Variants in SORL1 observed in about 807,000 individuals in gnomAD.
The protein encoded by SORL1 is sortilin related receptor 1.
SORL1 carries 127 observed loss-of-function variants against 273.7 expected under a neutral mutation model. That is an observed-to-expected ratio of 0.46 (90% confidence interval 0.40 to 0.54). The LOEUF (loss-of-function observed/expected upper bound fraction) is 0.54. Ranked by LOEUF, SORL1 falls within the 20% of genes least tolerant of loss-of-function variation. SORL1 has a pLI of 0.00. For synonymous variants in SORL1, 1,031 were observed against 1,067.4 expected (o/e 0.97, Z 0.66); for missense variants, 2,494 against 2,846.1 (o/e 0.88, Z 2.81).
At chr11:121,570,947 A>G (rs912703242) in intron 23 of SORL1, among the ~76,000 whole-genome samples, 1 of 152,244 alleles carries the variant, frequency 6.6e-6, no homozygotes, top group African/African-American at 2.4e-5. Flanking sequence ...AATTTTTAAT[A>G]GCTTCGACAT....
rs778252688 is a variant in SORL1, at chr11:121,545,293, C to G, written c.1915C>G (p.Arg639Gly). The G allele has an allele frequency of 3.7e-6, 6 of 1,613,872 alleles. No homozygotes were observed. In the Admixed American group the frequency reaches 6.7e-5, roughly 18 times the overall value. ...DYKLWSPSDERGNECLLGHKT... is the reference protein window; with the variant it reads ...DYKLWSPSDEGGNECLLGHKT... The stretch of plus-strand genomic sequence containing the variant: ...CAAGCTGTGGTCACCATCTGATGAG[C>G]GGGGGAATGAGTGTTTGCTGGGACA... Residue 639 changes from arginine (R) to glycine (G), a missense_variant, in exon 14 of 48, where the codon CGG (arginine) becomes GGG (glycine). This residue lies in a region of SORL1 where 710 missense variants were observed against 882.5 expected (regional missense o/e 0.80). Transcript: ENST00000260197.
chr11:121,622,811 A>G lies in SORL1; in HGVS notation c.6171+543A>G, dbSNP rs141049985. On this transcript the variant is annotated intron_variant, in intron 45 of 47. Coordinates refer to ENST00000260197, the MANE Select transcript of SORL1 (RefSeq NM_003105.6). Reference sequence around the variant, plus strand: ...CAATATGGTATTCACAGCAAAAGACAGGGGAAGAGGAGTGAGACCTGGGAG... The same window carrying G: ...CAATATGGTATTCACAGCAAAAGACGGGGGAAGAGGAGTGAGACCTGGGAG... 1.0e-3 allele frequency among the ~76,000 whole-genome samples: 158 copies of G among 152,390 alleles called. 1 individual carries two copies. The highest frequency in any genetic ancestry group is 3.6e-3 in the African/African-American group (151 of 41,592).
At position 121,627,376 on chromosome 11, in the gene SORL1, G is replaced by T; in HGVS notation, c.6365-179G>T. ...AAGGCCCTTGGTCTATCAGCTCATG[G>T]CAAGTAGTGGGGAAGCAATCAGGCA... On this transcript the variant is annotated intron_variant, in intron 46 of 47. Coordinates refer to ENST00000260197, the MANE Select transcript of SORL1 (RefSeq NM_003105.6). The surrounding 1 kb of genome is among the most constrained non-coding windows in gnomAD (Gnocchi z 4.9). 1.6e-6 allele frequency: 1 copy of T among 613,956 alleles called. No homozygotes were observed. Among genetic ancestry groups the T allele is most frequent in the Non-Finnish European group, 2.9e-6 (1 of 344,090 alleles). The allele number at this position is 613,956 out of a possible 1,614,324, so 38.0% of individuals were successfully genotyped here. A position where few individuals can be genotyped will look rare whatever the true frequency, so the allele number is the denominator to read the frequency against.
chr11:121,511,584 C>T (rs1861878754), intron 6 of SORL1, among the ~76,000 whole-genome samples: 1 of 152,134 alleles, frequency 6.6e-6, no homozygotes, highest in Admixed American at 6.5e-5. Context: ...CCATCATTTC[C>T]TACGGCCCTA....
At chr11:121,506,913 A>G (rs1484148674) in intron 6 of SORL1, among the ~76,000 whole-genome samples, 1 of 152,104 alleles carries the variant, frequency 6.6e-6, no homozygotes, top group African/African-American at 2.4e-5. Flanking sequence ...TATTAAATAC[A>G]GATTTTCTAG....
At chr11:121,508,006 T>G (rs933690649) in intron 6 of SORL1, among the ~76,000 whole-genome samples, 1 of 152,244 alleles carries the variant, frequency 6.6e-6, no homozygotes, top group African/African-American at 2.4e-5. Context: ...CTATCAAGTT[T>G]GTGTTCTTTA....
At chr11:121,513,923 T>C (rs1861914665) in intron 7 of SORL1, among the ~76,000 whole-genome samples, 1 of 152,236 alleles carries the variant, frequency 6.6e-6, no homozygotes, top group African/African-American at 2.4e-5. Context: ...TGGCCCATTA[T>C]TTTGTGCCCC....
intron 1 of SORL1, among the ~76,000 whole-genome samples, chr11:121,461,157 C>T (rs560275826): frequency 6.7e-6 from 1 of 149,646 alleles, no homozygotes; most frequent in Non-Finnish European, 1.5e-5. Context: ...ATTTAGTTCC[C>T]TGAAATTCTC....
intron 3 of SORL1, among the ~76,000 whole-genome samples, chr11:121,486,474 T>C (rs1006656428): frequency 5.9e-5 from 9 of 151,296 alleles, no homozygotes; most frequent in Non-Finnish European, 3.0e-5. Context: ...CTCTGTTTCT[T>C]TCTTTCTTTT....
intron 6 of SORL1, among the ~76,000 whole-genome samples, chr11:121,504,005 C>T (rs1462433217): frequency 1.3e-5 from 2 of 152,224 alleles, no homozygotes; most frequent in Non-Finnish European, 2.9e-5. Flanking sequence ...CTTAATATAT[C>T]ATGCCTTCCA....
chr11:121,467,986 C>T (rs1225557630), intron 1 of SORL1, among the ~76,000 whole-genome samples: 3 of 152,174 alleles, frequency 2.0e-5, no homozygotes, highest in Non-Finnish European at 4.4e-5. Flanking sequence ...GTATTTAAAA[C>T]TCCAAGTAAC....
intron 31 of SORL1, among the ~76,000 whole-genome samples, chr11:121,593,140 C>T (rs887078511): frequency 6.6e-6 from 1 of 152,168 alleles, no homozygotes; most frequent in Admixed American, 6.5e-5. Flanking sequence ...CCTCTGATGC[C>T]TCCCTTATTG....
At chr11:121,507,474 G>A (rs1209844737) in intron 6 of SORL1, among the ~76,000 whole-genome samples, 1 of 151,686 alleles carries the variant, frequency 6.6e-6, no homozygotes, top group Non-Finnish European at 1.5e-5. Flanking sequence ...TTTTTTTGTT[G>A]TCAGACTGAG....
chr11:121,602,654 C>T (rs1863411271), intron 32 of SORL1, among the ~76,000 whole-genome samples: 1 of 152,108 alleles, frequency 6.6e-6, no homozygotes. Context: ...GACCCATGAC[C>T]ACATGCCTGG....
At position 121,553,925 on chromosome 11, in the gene SORL1, T is replaced by G; in HGVS notation, c.2267-12T>G. 2 of 1,609,154 alleles carry G rather than the reference T, an allele frequency of 1.2e-6. No individual in the cohort carries two copies. The highest frequency in any genetic ancestry group is 1.7e-6 in the Non-Finnish European group (2 of 1,176,668). On this transcript the variant is annotated splice_polypyrimidine_tract_variant and intron_variant, in intron 16 of 47. Transcript: ENST00000260197. Reference sequence around the variant, plus strand: ...TGGGTCCAACCTCCCACGTGTCTTGTGTGTCTGGCAGAAGAGAACGAGTTC... The same window carrying G: ...TGGGTCCAACCTCCCACGTGTCTTGGGTGTCTGGCAGAAGAGAACGAGTTC...
intron 39 of SORL1, 165 bp downstream of exon 39, chr11:121,611,323 C>A: frequency 1.9e-6 from 1 of 522,888 alleles, no homozygotes; most frequent in Non-Finnish European, 3.4e-6. Flanking sequence ...TGGTTCCTTC[C>A]CCCATGAAGA....
Position 121,520,259 on chromosome 11 carries a change from C to CA in SORL1, c.1212-389dup, listed in dbSNP as rs201535134. Among the ~76,000 whole-genome samples the CA allele has an allele frequency of 4.0e-3, 591 of 149,404 alleles. 6 individuals carry two copies. Among genetic ancestry groups the CA allele is most frequent in the Non-Finnish European group, 6.5e-3 (435 of 67,208 alleles). On this transcript the variant is annotated intron_variant, in intron 8 of 47. Coordinates refer to ENST00000260197, the MANE Select transcript of SORL1 (RefSeq NM_003105.6). ...GCCTGGGCAGCAGTAAGACTGTCTC[C>CA]AAAAAAAAAGGAATGAAGTTCTAAC...
At position 121,545,437 on chromosome 11, in the gene SORL1, C is replaced by A. The variant is rs753613889; in HGVS notation, c.2051+8C>A. The A allele has an allele frequency of 3.7e-6, 6 of 1,613,426 alleles. No homozygotes were observed. Among genetic ancestry groups the A allele is most frequent in the Admixed American group, 3.3e-5 (2 of 59,994 alleles). The stretch of plus-strand genomic sequence containing the variant: ...CCGGGAGGACTATGAGTGGTCAGTT[C>A]TTCTTTGATGGCTGGGGACTGAGTT... On this transcript the variant is annotated splice_region_variant and intron_variant, in intron 14 of 47. Coordinates refer to ENST00000260197, the MANE Select transcript of SORL1 (RefSeq NM_003105.6).
chr11:121,487,940 G>A (rs754268058), intron 3 of SORL1, 92 bp from the exon 4 acceptor site: 5 of 1,359,494 alleles, frequency 3.7e-6, no homozygotes, highest in Admixed American at 3.7e-5. Flanking sequence ...CCCTGCACAT[G>A]TGTGTACTCG....
Sources: gnomAD v4.1 joint callset for allele counts (sites outside exome capture counted in the v4.1 genomes callset) on GRCh38, gnomAD v4.1.1 for gene constraint, gnomAD v4.1.1 regional missense constraint, Gnocchi (gnomAD v3.1) non-coding constraint, MANE v1.5 for transcripts, NCBI Gene and HGNC (gene_info 2026-07-23, HGNC 2026-07-21) for gene names.